The following PCDHA9 variants were observed in gnomAD, a reference collection of about 807,000 sequenced individuals.
PCDHA9 encodes protocadherin alpha 9, also known as protocadherin alpha-9.
PCDHA9 carries 62 observed loss-of-function variants against 62.0 expected under a neutral mutation model. The ratio of observed to expected loss-of-function variants is 1.00; its 90% CI spans 0.81 to 1.23. PCDHA9 has a LOEUF of 1.23. PCDHA9 is among the 50% of genes most tolerant of loss of function. The pLI, the probability that PCDHA9 is intolerant of heterozygous loss-of-function variation, is 0.00. For missense variants in PCDHA9, 1,205 were observed against 1,249.8 expected (o/e 0.96, Z 0.54); for synonymous variants, 557 against 567.6 (o/e 0.98, Z 0.27).
At chr5:141,001,683 C>T (rs1042436989) in intron 3 of PCDHA9, among the ~76,000 whole-genome samples, 1 of 152,030 alleles carries the variant, frequency 6.6e-6, no homozygotes, top group Non-Finnish European at 1.5e-5. Flanking sequence ...TCCAACAAAC[C>T]CCACAGATGG....
chr5:140,848,792 C>CAG lies in PCDHA9; in HGVS notation c.297_298insAG (p.Ala100ArgfsTer10), dbSNP rs2150420729. The CAG allele has an allele frequency of 1.3e-6, 2 of 1,592,840 alleles. No homozygotes were observed. The highest frequency in any genetic ancestry group is 8.6e-7 in the Non-Finnish European group (1 of 1,163,812). ...ACCGCGAGGAGCTGTGCGGGCGGAG[C>CAG]GCGGAGTGCAGCATCCACCTGGAGG... On this transcript the variant is annotated frameshift_variant, in exon 1 of 4. Transcript: ENST00000532602. LOFTEE classifies it high-confidence loss of function.
chr5:140,891,755 G>C (rs1489884923), intron 1 of PCDHA9, among the ~76,000 whole-genome samples: 2 of 152,114 alleles, frequency 1.3e-5, no homozygotes, highest in Non-Finnish European at 2.9e-5. Flanking sequence ...CAACAGTGTT[G>C]GGAGGTGGGG....
At chr5:140,970,920 G>A (rs957123423) in intron 1 of PCDHA9, among the ~76,000 whole-genome samples, 2 of 152,266 alleles carry the variant, frequency 1.3e-5, no homozygotes, top group Non-Finnish European at 2.9e-5. Flanking sequence ...TTTATCAGAA[G>A]TGCCTGGTGT....
At chr5:140,975,675 T>C (rs1047804393) in intron 1 of PCDHA9, among the ~76,000 whole-genome samples, 3 of 152,240 alleles carry the variant, frequency 2.0e-5, no homozygotes, top group Non-Finnish European at 2.9e-5. Context: ...AGTTTATTAA[T>C]AAAATAGGGT....
At chr5:140,921,588 T>C (rs534654717) in intron 1 of PCDHA9, among the ~76,000 whole-genome samples, 1 of 152,342 alleles carries the variant, frequency 6.6e-6, no homozygotes, top group African/African-American at 2.4e-5. Flanking sequence ...TACTATATTA[T>C]GGTTTCAAAG....
intron 1 of PCDHA9, among the ~76,000 whole-genome samples, chr5:140,931,210 G>A (rs1326851548): frequency 6.6e-6 from 1 of 152,064 alleles, no homozygotes; most frequent in African/African-American, 2.4e-5. Flanking sequence ...TAGTATTTCA[G>A]GTATCAGAGC....
chr5:140,957,597 A>G (rs1036559943), intron 1 of PCDHA9, among the ~76,000 whole-genome samples: 4 of 152,168 alleles, frequency 2.6e-5, no homozygotes, highest in Non-Finnish European at 5.9e-5. Context: ...ACTTCCCAGA[A>G]TAAACACACA....
chr5:140,863,011 C>T (rs782711409), intron 1 of PCDHA9: 2 of 552,132 alleles, frequency 3.6e-6, no homozygotes, highest in Admixed American at 1.9e-5. Flanking sequence ...CCAGCTATGA[C>T]GCCTGGTTGT....
chr5:140,884,327 G>A (rs1400364790), intron 1 of PCDHA9: 1 of 1,613,894 alleles, frequency 6.2e-7, no homozygotes, highest in Non-Finnish European at 8.5e-7. Context: ...GGCAGGCGCT[G>A]TGGGTCCAGA....
chr5:140,955,220 A>T (rs1016918569), intron 1 of PCDHA9, among the ~76,000 whole-genome samples: 1 of 152,130 alleles, frequency 6.6e-6, no homozygotes, highest in Non-Finnish European at 1.5e-5. Flanking sequence ...TGATGCCTCC[A>T]GCTTTGTTCT....
At chr5:140,904,412 A>C (rs1554191488) in intron 1 of PCDHA9, among the ~76,000 whole-genome samples, 2 of 150,986 alleles carry the variant, frequency 1.3e-5, no homozygotes, top group Non-Finnish European at 2.9e-5. Context: ...TATATATATA[A>C]TACATATATT....
At chr5:140,970,565 T>C (rs1346006828) in intron 1 of PCDHA9, among the ~76,000 whole-genome samples, 2 of 152,182 alleles carry the variant, frequency 1.3e-5, no homozygotes, top group Non-Finnish European at 2.9e-5. Flanking sequence ...TCTCCATATG[T>C]ATGCTTGAAA....
At chr5:140,990,429 C>A (rs2097393514) in intron 3 of PCDHA9, among the ~76,000 whole-genome samples, 1 of 152,144 alleles carries the variant, frequency 6.6e-6, no homozygotes, top group African/African-American at 2.4e-5. Context: ...CAGCATTGAC[C>A]CAATCTTGTG....
At chr5:140,966,233 C>T (rs1554228161) in intron 1 of PCDHA9, 1 of 287,374 alleles carries the variant, frequency 3.5e-6, no homozygotes, top group Non-Finnish European at 6.4e-6. Flanking sequence ...CCTTAAAGAC[C>T]CGTTAAGCAG....
At chr5:140,869,226 C>T (rs1428940405) in intron 1 of PCDHA9, 5 of 1,613,644 alleles carry the variant, frequency 3.1e-6, no homozygotes, top group African/African-American at 1.3e-5. Context: ...AGGCCAAACA[C>T]GGCACCTTCG....
At chr5:140,871,308 G>GC (rs2052955236) in intron 1 of PCDHA9, 1 of 1,613,880 alleles carries the variant, frequency 6.2e-7, no homozygotes. Flanking sequence ...CGCCGGGGAA[G>GC]CCCACGCTGG....
intron 1 of PCDHA9, chr5:140,871,023 C>T: frequency 6.2e-7 from 1 of 1,613,268 alleles, no homozygotes; most frequent in Non-Finnish European, 8.5e-7. Context: ...ACGAGGCAGA[C>T]TCGCCGCGCC....
chr5:140,999,628 G>C (rs1169273057), intron 3 of PCDHA9, among the ~76,000 whole-genome samples: 2 of 152,182 alleles, frequency 1.3e-5, no homozygotes, highest in Admixed American at 1.3e-4. Context: ...AGGAAACAAG[G>C]TAGAGAAAAC....
At chr5:140,883,471 C>G (rs781812025) in intron 1 of PCDHA9, 4 of 1,614,182 alleles carry the variant, frequency 2.5e-6, no homozygotes, top group Non-Finnish European at 3.4e-6. Flanking sequence ...TGTCCACCTA[C>G]AAGAACTACT....
Sources: gnomAD v4.1 joint callset for allele counts (sites outside exome capture counted in the v4.1 genomes callset) on GRCh38, gnomAD v4.1.1 for gene constraint, MANE v1.5 for transcripts, NCBI Gene and HGNC (gene_info 2026-07-23, HGNC 2026-07-21) for gene names.